The following L3MBTL4 variants were observed in gnomAD, a reference collection of about 807,000 sequenced individuals.
L3MBTL4 encodes the protein lethal(3)malignant brain tumor-like protein 4.
In L3MBTL4, 70 loss-of-function variants were observed where a neutral mutation model predicts 84.5. The observed-to-expected ratio is 0.83, with a 90% CI of 0.68 to 1.01. L3MBTL4 has a LOEUF of 1.01. L3MBTL4 is among the 50% of genes least tolerant of loss of function. The pLI is 0.00. For missense variants in L3MBTL4, 715 were observed against 754.8 expected, an observed-to-expected ratio of 0.95 and a Z score of 0.62; for synonymous variants, 274 against 259.8, an observed-to-expected ratio of 1.05 and a Z score of -0.52.
chr18:6,314,570 A>G (rs2050999620), intron 1 of L3MBTL4, among the ~76,000 whole-genome samples: 1 of 152,174 alleles, frequency 6.6e-6, no homozygotes. Flanking sequence ...CTACATATAA[A>G]TGATTTGTAT....
At chr18:6,129,368 C>CTGTGTGTGTGTGTGTGTG (rs772735191) in intron 14 of L3MBTL4, among the ~76,000 whole-genome samples, 26 of 138,300 alleles carry the variant, frequency 1.9e-4, no homozygotes, top group South Asian at 9.7e-4. Context: ...GGAATTCTCT[C>CTGTGTGTGTGTGTGTGTG]TGTGTGTGTG....
intron 12 of L3MBTL4, among the ~76,000 whole-genome samples, chr18:6,201,574 G>A (rs1193442542): frequency 2.0e-5 from 3 of 152,062 alleles, no homozygotes; most frequent in Non-Finnish European, 4.4e-5. Context: ...ATTAAATTTT[G>A]GCTCACTCGG....
intron 12 of L3MBTL4, among the ~76,000 whole-genome samples, chr18:6,200,468 C>T (rs1302367746): frequency 1.3e-5 from 2 of 152,192 alleles, no homozygotes; most frequent in African/African-American, 4.8e-5. Context: ...ATTAGAATTA[C>T]ATTTATTTTA....
At chr18:6,395,410 A>G (rs1683847856) in intron 1 of L3MBTL4, 2 of 152,100 alleles carry the variant, frequency 1.3e-5, no homozygotes, top group Admixed American at 6.5e-5. Flanking sequence ...TCTCCTGGCA[A>G]AAGTGGCCAA....
At chr18:6,281,246 G>A (rs1355850996) in intron 4 of L3MBTL4, among the ~76,000 whole-genome samples, 1 of 152,154 alleles carries the variant, frequency 6.6e-6, no homozygotes, top group East Asian at 1.9e-4. Context: ...TGTATTCTCT[G>A]ATTTGAACTC....
chr18:6,176,061 A>G (rs2145268876), intron 12 of L3MBTL4, among the ~76,000 whole-genome samples: 1 of 152,306 alleles, frequency 6.6e-6, no homozygotes. Context: ...GATCCCACAC[A>G]AGTGAAGAGA....
At chr18:6,394,946 C>T (rs919662344) in intron 1 of L3MBTL4, 2 of 152,180 alleles carry the variant, frequency 1.3e-5, no homozygotes, top group African/African-American at 4.8e-5. Context: ...CCCTTCAATA[C>T]ACAAAAGAAT....
At chr18:6,134,190 A>G (rs1451160002) in intron 14 of L3MBTL4, among the ~76,000 whole-genome samples, 1 of 152,188 alleles carries the variant, frequency 6.6e-6, no homozygotes, top group Non-Finnish European at 1.5e-5. Flanking sequence ...AGACTTGTTC[A>G]CTATCACAAG....
intron 16 of L3MBTL4, among the ~76,000 whole-genome samples, chr18:5,989,723 T>G (rs1255334781): frequency 5.3e-5 from 8 of 152,218 alleles, no homozygotes; most frequent in African/African-American, 1.7e-4. Flanking sequence ...TATTATGTGC[T>G]CTCAGGTGAG....
chr18:6,001,732 T>C (rs1452857857), intron 16 of L3MBTL4, among the ~76,000 whole-genome samples: 4 of 151,906 alleles, frequency 2.6e-5, no homozygotes, highest in South Asian at 2.1e-4. Context: ...ACAATTGAAA[T>C]TGAGTATGAG....
chr18:6,242,420 C>A (rs1478570020), intron 7 of L3MBTL4, among the ~76,000 whole-genome samples: 1 of 152,054 alleles, frequency 6.6e-6, no homozygotes, highest in African/African-American at 2.4e-5. Context: ...GAAATGAAGC[C>A]CCGTGGAGAT....
intron 14 of L3MBTL4, among the ~76,000 whole-genome samples, chr18:6,130,348 C>A (rs7227306): frequency 0.2 from 30,433 of 151,676 alleles, 4,060 homozygotes; most frequent in African/African-American, 0.38. Context: ...TTGGGCTGAC[C>A]GAACAATTCC....
chr18:6,164,525 T>C (rs1310763259), intron 13 of L3MBTL4, among the ~76,000 whole-genome samples: 1 of 152,200 alleles, frequency 6.6e-6, no homozygotes, highest in Non-Finnish European at 1.5e-5. Flanking sequence ...AGTTCACCAA[T>C]GTACGCTGTT....
At chr18:6,326,435 C>T (rs778537187) in intron 1 of L3MBTL4, 10 of 152,280 alleles carry the variant, frequency 6.6e-5, no homozygotes, top group Non-Finnish European at 1.2e-4. Flanking sequence ...AACTAATTTA[C>T]CTGTTCCCTT....
At chr18:5,963,275 G>A (rs1469727411) in intron 17 of L3MBTL4, among the ~76,000 whole-genome samples, 1 of 152,192 alleles carries the variant, frequency 6.6e-6, no homozygotes, top group African/African-American at 2.4e-5. Flanking sequence ...TTGATGATTT[G>A]CCTATGTTAA....
At chr18:6,034,656 T>C (rs2056024702) in intron 16 of L3MBTL4, among the ~76,000 whole-genome samples, 1 of 152,250 alleles carries the variant, frequency 6.6e-6, no homozygotes, top group African/African-American at 2.4e-5. Context: ...CCTTTGGGTA[T>C]ATACCCAGTA....
chr18:6,344,460 T>C (rs1230555428), intron 1 of L3MBTL4, among the ~76,000 whole-genome samples: 2 of 152,178 alleles, frequency 1.3e-5, no homozygotes, highest in African/African-American at 4.8e-5. Context: ...ACAAACATTT[T>C]AAGAAGAACT....
chr18:6,393,870 T>A (rs758588017), intron 1 of L3MBTL4, among the ~76,000 whole-genome samples: 35 of 152,178 alleles, frequency 2.3e-4, no homozygotes, highest in Non-Finnish European at 4.6e-4. Flanking sequence ...GGGCACCCCG[T>A]CACTATGAAT....
intron 1 of L3MBTL4, among the ~76,000 whole-genome samples, chr18:6,357,381 A>T (rs2053494088): frequency 6.6e-6 from 1 of 152,220 alleles, no homozygotes; most frequent in Non-Finnish European, 1.5e-5. Flanking sequence ...CAAACAAAAA[A>T]GTCCTGAACA....
Sources: allele counts gnomAD v4.1 joint callset (sites outside exome capture counted in the v4.1 genomes callset), GRCh38; gene constraint gnomAD v4.1.1; transcripts MANE v1.5; gene names NCBI Gene and HGNC (gene_info 2026-07-23, HGNC 2026-07-21).